Variants in RASGRF1 observed in about 807,000 individuals in gnomAD.
RASGRF1 encodes the protein ras-specific guanine nucleotide-releasing factor 1.
A neutral mutation model predicts 138.7 loss-of-function variants in RASGRF1; 40 were observed. The observed-to-expected ratio is 0.29, with a 90% CI of 0.22 to 0.38. The LOEUF (loss-of-function observed/expected upper bound fraction) is 0.38, where lower values mean the gene tolerates loss of function less well. RASGRF1 is among the 10% of genes least tolerant of loss of function. The pLI is 1.00. For synonymous variants in RASGRF1, 614 were observed against 663.2 expected (o/e 0.93, Z 1.14); for missense variants, 1,108 against 1,650.4 (o/e 0.67, Z 5.69).
At chr15:79,024,479 G>T (rs766592132) in intron 10 of RASGRF1, among the ~76,000 whole-genome samples, 3 of 151,760 alleles carry the variant, frequency 2.0e-5, no homozygotes, top group Non-Finnish European at 4.4e-5. Flanking sequence ...CATACATACT[G>T]ATATGGTTTG....
Position 79,068,853 on chromosome 15 carries a change from C to T in RASGRF1, c.277-4327G>A, listed in dbSNP as rs192137731. On this transcript the variant is annotated intron_variant, in intron 1 of 26. Transcript: ENST00000558480. ...GTGGTCTGAGGGTCTAGGCATGGCA[C>T]TGTGTCCTGGGGTCAGCCTGGCAGG... Among the ~76,000 whole-genome samples, 4 of 152,212 alleles carry T rather than the reference C, an allele frequency of 2.6e-5. No individual in the cohort carries two copies. In the East Asian group the frequency reaches 7.7e-4, roughly 29 times the overall value.
At chr15:79,064,596 T>G in intron 1 of RASGRF1, 70 bp from the exon 2 acceptor site, 1 of 1,478,170 alleles carries the variant, frequency 6.8e-7, no homozygotes, top group Non-Finnish European at 9.4e-7. Flanking sequence ...TTGCAATCAA[T>G]CTAGCTGTTT....
rs971091880 is a variant in RASGRF1 at position 79,090,336 on chromosome 15, C to T, written c.163G>A (p.Glu55Lys). The T allele has an allele frequency of 1.9e-6, 3 of 1,613,926 alleles. No individual in the cohort carries two copies. Among genetic ancestry groups the T allele is most frequent in the African/African-American group, 1.3e-5 (1 of 75,052 alleles). ...ALLQNLLFYF[E>K]SDSSSRPSGL... ...GAGGGCCGCGAGCTCGAGTCGCTCTCGAAGTAGAAGAGCAGGTTCTGCAGC... is the reference window on the plus strand; with the variant it reads ...GAGGGCCGCGAGCTCGAGTCGCTCTTGAAGTAGAAGAGCAGGTTCTGCAGC... The change falls in exon 1 of 27, where the codon GAG (glutamate) becomes AAG (lysine). Residue 55 changes from glutamate (E) to lysine (K), a missense_variant. Transcript: ENST00000558480.
chr15:79,059,842 C>CT, intron 2 of RASGRF1, among the ~76,000 whole-genome samples: 1 of 152,048 alleles, frequency 6.6e-6, no homozygotes, highest in East Asian at 1.9e-4. Context: ...ACTCCAGTGC[C>CT]TTTTTTCGTA....
intron 5 of RASGRF1, among the ~76,000 whole-genome samples, chr15:79,041,829 C>T (rs535666472): frequency 6.6e-6 from 1 of 152,300 alleles, no homozygotes; most frequent in Non-Finnish European, 1.5e-5. Flanking sequence ...AGGGCCTGCC[C>T]CTCGTCACCC....
intron 1 of RASGRF1, among the ~76,000 whole-genome samples, chr15:79,072,720 C>A (rs955682169): frequency 6.6e-6 from 1 of 152,204 alleles, no homozygotes; most frequent in African/African-American, 2.4e-5. Context: ...TGAACTCCCA[C>A]CTGAGCTTCC....
chr15:78,969,954 A>T (rs550594937), intron 26 of RASGRF1, among the ~76,000 whole-genome samples: 91 of 152,334 alleles, frequency 6.0e-4, no homozygotes, highest in Non-Finnish European at 1.0e-3. Flanking sequence ...TGGAAAGCAA[A>T]GCAAAAGTGG....
chr15:79,036,016 C>T (rs571600610), intron 5 of RASGRF1, among the ~76,000 whole-genome samples: 2 of 152,338 alleles, frequency 1.3e-5, no homozygotes, highest in African/African-American at 2.4e-5. Context: ...CACATTTGCC[C>T]GGCCTTCCCC....
intron 1 of RASGRF1, among the ~76,000 whole-genome samples, chr15:79,069,923 G>GA (rs1411083121): frequency 6.6e-6 from 1 of 152,188 alleles, no homozygotes; most frequent in Non-Finnish European, 1.5e-5. Flanking sequence ...GGCACTTGCA[G>GA]AAAACCTTGG....
chr15:79,016,871 C>T (rs2056886351), intron 12 of RASGRF1, among the ~76,000 whole-genome samples: 1 of 152,210 alleles, frequency 6.6e-6, no homozygotes. Context: ...CCTGCCCTTT[C>T]AGTTTCTACA....
At position 79,032,167 on chromosome 15, in the gene RASGRF1, C is replaced by G. The variant is rs763571781; in HGVS notation, c.1108G>C (p.Glu370Gln). ...AGGAAGGTCTCCAGCGTCCTCTCCT[C>G]GCAGTCAGGCTTGGCCTCGTAGTGC... ...LKHYEAKPDC[E>Q]ERTLETFLTY... is the part of the protein sequence containing the mutation. Residue 370 changes from glutamate to glutamine, a missense_variant, in exon 7 of 27, where the codon GAG (glutamate) becomes CAG (glutamine). Glu to Gln is a conservative substitution (Grantham distance 29). Coordinates refer to ENST00000558480, the MANE Select transcript of RASGRF1 (RefSeq NM_001145648.3). This position sits in a 1 kb window ranked among gnomAD's most constrained non-coding sequence, Gnocchi z 4.5. 2.5e-6 allele frequency: 4 copies of G among 1,614,080 alleles called. No homozygotes were observed. The highest frequency in any genetic ancestry group is 3.3e-5 in the Admixed American group (2 of 60,018).
At chr15:78,995,613 A>T (rs1422465242) in intron 20 of RASGRF1, 127 bp downstream of exon 20, 1 of 1,171,748 alleles carries the variant, frequency 8.5e-7, no homozygotes, top group Non-Finnish European at 1.3e-6. Context: ...TAAGCCGCCC[A>T]GTTTGTGGTA....
chr15:79,073,871 A>C lies in RASGRF1; in HGVS notation c.277-9345T>G, dbSNP rs2057794529. ...ACTGTAAGTTCTTGGGCTCCACCCCAGACCTCTGTTTTGAAACAAGCCCCC... is the reference window on the plus strand; with the variant it reads ...ACTGTAAGTTCTTGGGCTCCACCCCCGACCTCTGTTTTGAAACAAGCCCCC... On this transcript the variant is annotated intron_variant, in intron 1 of 26. Coordinates refer to ENST00000558480, the MANE Select transcript of RASGRF1 (RefSeq NM_001145648.3). This position sits in a 1 kb window ranked among gnomAD's most constrained non-coding sequence, Gnocchi z 4.2. 6.6e-6 allele frequency among the ~76,000 whole-genome samples: 1 copy of C among 152,238 alleles called. No individual in the cohort carries two copies. Among genetic ancestry groups the C allele is most frequent in the African/African-American group, 2.4e-5 (1 of 41,464 alleles).
chr15:79,090,594 C>G lies in RASGRF1; in HGVS notation c.-96G>C. 1.3e-6 allele frequency: 2 copies of G among 1,518,508 alleles called. No individual in the cohort carries two copies. Among genetic ancestry groups the G allele is most frequent in the Non-Finnish European group, 8.9e-7 (1 of 1,124,296 alleles). 94.1% of individuals were successfully genotyped at this position (1,518,508 alleles called of 1,614,324 possible). On this transcript the variant is annotated 5_prime_UTR_variant, in exon 1 of 27. Transcript: ENST00000558480. ...CTGCGCGCTGCCTCTCTCTGGCGCT[C>G]GCTCGCTCGCTCCCTCTAGCTCTCC...
chr15:78,984,943 G>C, intron 23 of RASGRF1, 64 bp downstream of exon 23: 1 of 1,543,646 alleles, frequency 6.5e-7, no homozygotes, highest in Non-Finnish European at 8.9e-7. Flanking sequence ...CCAGCCCACG[G>C]GTCTTCCTGC....
At chr15:79,010,448 C>T (rs1308850310) in intron 13 of RASGRF1, among the ~76,000 whole-genome samples, 4 of 152,212 alleles carry the variant, frequency 2.6e-5, no homozygotes, top group African/African-American at 9.6e-5. Context: ...GCTGTGCTTC[C>T]AGACTCAACA....
chr15:79,025,016 A>G (rs1209516092), intron 10 of RASGRF1, among the ~76,000 whole-genome samples: 1 of 152,034 alleles, frequency 6.6e-6, no homozygotes, highest in Non-Finnish European at 1.5e-5. Flanking sequence ...GCACACACAC[A>G]TGCCTTTTAG....
chr15:78,984,700 A>G (rs1271741248), intron 23 of RASGRF1: 1 of 393,596 alleles, frequency 2.5e-6, no homozygotes, highest in East Asian at 5.5e-5. Flanking sequence ...GATCCCCATA[A>G]AGCCACCACT....
In RASGRF1 at chr15:79,006,061, C is replaced by T; in HGVS notation, c.2075+125G>A. 1 of 1,383,100 alleles carries T rather than the reference C, an allele frequency of 7.2e-7. No individual in the cohort carries two copies. The highest frequency in any genetic ancestry group is 9.9e-7 in the Non-Finnish European group (1 of 1,008,730). 85.7% of individuals were successfully genotyped at this position (1,383,100 alleles called of 1,614,324 possible). On this transcript the variant is annotated intron_variant, in intron 14 of 26. Transcript: ENST00000558480. This position sits in a 1 kb window ranked among gnomAD's most constrained non-coding sequence, Gnocchi z 4.0. ...CAGTGGCGGTGTGTGTCCCGCAGCACCCCAACACGTTACTGCTGCTCCTCC... is the reference window on the plus strand; with the variant it reads ...CAGTGGCGGTGTGTGTCCCGCAGCATCCCAACACGTTACTGCTGCTCCTCC...
Sources: gnomAD v4.1 joint callset for allele counts (sites outside exome capture counted in the v4.1 genomes callset) on GRCh38, gnomAD v4.1.1 for gene constraint, Gnocchi (gnomAD v3.1) non-coding constraint, MANE v1.5 for transcripts, NCBI Gene and HGNC (gene_info 2026-07-23, HGNC 2026-07-21) for gene names.